The following ATXN1 variants were observed in gnomAD, a reference collection of about 807,000 sequenced individuals.
ATXN1 encodes the protein ataxin 1.
ATXN1 carries 8 observed loss-of-function variants against 56.4 expected under a neutral mutation model. That is an observed-to-expected ratio of 0.14 (90% CI 0.08 to 0.26). The LOEUF (loss-of-function observed/expected upper bound fraction) is 0.26, where lower values mean the gene tolerates loss of function less well. Ranked by LOEUF, ATXN1 falls within the 10% of genes least tolerant of loss-of-function variation. The probability of loss-of-function intolerance (pLI) is 1.00; values close to 1 mark genes in which losing one functional copy is unlikely to be tolerated. For missense variants in ATXN1, 987 were observed against 1,106.5 expected (o/e 0.89, Z 1.53); for synonymous variants, 514 against 494.6 (o/e 1.04, Z -0.52).
chr6:16,489,445 T>G (rs891806626), intron 5 of ATXN1, among the ~76,000 whole-genome samples: 4 of 152,224 alleles, frequency 2.6e-5, no homozygotes, highest in African/African-American at 9.6e-5. Flanking sequence ...TATTCTGTTC[T>G]TCCAATCCAT....
At chr6:16,729,443 C>T (rs1002005324) in intron 2 of ATXN1, among the ~76,000 whole-genome samples, 2 of 152,156 alleles carry the variant, frequency 1.3e-5, no homozygotes, top group Non-Finnish European at 2.9e-5. Flanking sequence ...TATTTACTCA[C>T]CCTGAAACTG....
rs140199633 is a variant in ATXN1, at chr6:16,446,357, T to C, written c.-161+39615A>G. The stretch of plus-strand genomic sequence containing the variant: ...GTGTCTGTTAAATGTGTTTGATATT[T>C]CTATAACACAAAGTTAAAGTTCCTT... On this transcript the variant is annotated intron_variant, in intron 6 of 7. Transcript: ENST00000436367. Among the ~76,000 whole-genome samples the C allele has an allele frequency of 5.1e-3, 770 of 152,364 alleles. 2 individuals are homozygous for C. Among genetic ancestry groups the C allele is most frequent in the Middle Eastern group, 0.01 (3 of 294 alleles).
At chr6:16,425,129 T>C (rs1581753244) in intron 6 of ATXN1, among the ~76,000 whole-genome samples, 2 of 152,238 alleles carry the variant, frequency 1.3e-5, no homozygotes, top group East Asian at 3.8e-4. Flanking sequence ...TTCTTTCATA[T>C]TTTAAAGTGC....
chr6:16,646,560 C>A (rs1395361786), intron 3 of ATXN1, among the ~76,000 whole-genome samples: 2 of 152,244 alleles, frequency 1.3e-5, no homozygotes, highest in African/African-American at 4.8e-5. Context: ...CACACCTTAA[C>A]CCTGGGCTCA....
At chr6:16,572,290 G>A (rs1475205250) in intron 4 of ATXN1, among the ~76,000 whole-genome samples, 1 of 152,132 alleles carries the variant, frequency 6.6e-6, no homozygotes, top group African/African-American at 2.4e-5. Context: ...TACCAAAAAA[G>A]GTATAAGGAC....
intron 6 of ATXN1, among the ~76,000 whole-genome samples, chr6:16,399,707 G>A (rs1012211968): frequency 2.6e-5 from 4 of 152,170 alleles, no homozygotes; most frequent in African/African-American, 9.7e-5. Flanking sequence ...ACTGCCGGGT[G>A]CTACCAGCAT....
intron 4 of ATXN1, among the ~76,000 whole-genome samples, chr6:16,582,100 A>C (rs1762541029): frequency 6.6e-6 from 1 of 152,152 alleles, no homozygotes; most frequent in Non-Finnish European, 1.5e-5. Context: ...GGCTGTCAAC[A>C]ATCACAACCT....
intron 6 of ATXN1, among the ~76,000 whole-genome samples, chr6:16,458,405 C>T (rs560735908): frequency 2.6e-4 from 40 of 152,342 alleles, no homozygotes; most frequent in Non-Finnish European, 5.3e-4. Flanking sequence ...AAAATATACT[C>T]CCCTGTCACC....
chr6:16,405,964 T>C (rs1222246422), intron 6 of ATXN1, among the ~76,000 whole-genome samples: 2 of 152,168 alleles, frequency 1.3e-5, no homozygotes, highest in African/African-American at 2.4e-5. Flanking sequence ...CTTCATGAAA[T>C]GCCAGTGTAT....
At chr6:16,358,978 C>A (rs577610467) in intron 6 of ATXN1, among the ~76,000 whole-genome samples, 1 of 152,332 alleles carries the variant, frequency 6.6e-6, no homozygotes, top group East Asian at 1.9e-4. Flanking sequence ...GCAGCTGTGG[C>A]CAACCCTCCC....
At position 16,604,989 on chromosome 6, in the gene ATXN1, A is replaced by G. The variant is rs137984678; in HGVS notation, c.-488-19082T>C. Among the ~76,000 whole-genome samples the G allele has an allele frequency of 3.7e-3, 565 of 152,354 alleles. 3 individuals carry two copies. The highest frequency in any genetic ancestry group is 0.013 in the African/African-American group (540 of 41,590). The stretch of plus-strand genomic sequence containing the variant: ...TGTGAATTATATTACATGCACATGT[A>G]TGGTGCATATCATAACAAGAGAAAG... On this transcript the variant is annotated intron_variant, in intron 3 of 7. Coordinates refer to ENST00000436367, the MANE Select transcript of ATXN1 (RefSeq NM_001128164.2).
At chr6:16,555,173 G>A (rs933865900) in intron 4 of ATXN1, among the ~76,000 whole-genome samples, 7 of 152,082 alleles carry the variant, frequency 4.6e-5, no homozygotes, top group African/African-American at 1.4e-4. Flanking sequence ...TCATCTCGGA[G>A]GTCTTTCCTA....
chr6:16,600,182 G>A (rs1299519487), intron 3 of ATXN1, among the ~76,000 whole-genome samples: 2 of 152,016 alleles, frequency 1.3e-5, no homozygotes, highest in Non-Finnish European at 2.9e-5. Flanking sequence ...GTATACTTTT[G>A]GGCTACTTCC....
At chr6:16,531,240 A>G (rs1019061737) in intron 4 of ATXN1, among the ~76,000 whole-genome samples, 7 of 152,214 alleles carry the variant, frequency 4.6e-5, no homozygotes, top group African/African-American at 1.7e-4. Flanking sequence ...CTCTCACCAC[A>G]GCTAAAGATC....
chr6:16,463,221 T>C (rs1760035288), intron 6 of ATXN1, among the ~76,000 whole-genome samples: 2 of 152,172 alleles, frequency 1.3e-5, no homozygotes, highest in Admixed American at 1.3e-4. Flanking sequence ...ACCAGTTCTG[T>C]CTACCCAGCC....
At chr6:16,456,311 C>T (rs1023416523) in intron 6 of ATXN1, among the ~76,000 whole-genome samples, 1 of 152,158 alleles carries the variant, frequency 6.6e-6, no homozygotes, top group Non-Finnish European at 1.5e-5. Flanking sequence ...CTTTTGCTTG[C>T]TATTCTGTCC....
intron 4 of ATXN1, among the ~76,000 whole-genome samples, chr6:16,528,378 T>C (rs911313820): frequency 4.6e-5 from 7 of 151,982 alleles, no homozygotes; most frequent in African/African-American, 1.7e-4. Flanking sequence ...AAGGTATACA[T>C]GGGAGGGCCC....
chr6:16,412,822 T>G (rs1376671819), intron 6 of ATXN1, among the ~76,000 whole-genome samples: 1 of 152,238 alleles, frequency 6.6e-6, no homozygotes, highest in African/African-American at 2.4e-5. Context: ...CCAAAGGTCA[T>G]GAGTTTGGCA....
chr6:16,502,471 C>G (rs989911362), intron 5 of ATXN1, among the ~76,000 whole-genome samples: 2 of 152,156 alleles, frequency 1.3e-5, no homozygotes, highest in East Asian at 1.9e-4. Context: ...TTATCTTCAA[C>G]TGAACATGTA....
Sources: allele counts gnomAD v4.1 joint callset (sites outside exome capture counted in the v4.1 genomes callset), GRCh38; gene constraint gnomAD v4.1.1; transcripts MANE v1.5; gene names NCBI Gene and HGNC (gene_info 2026-07-23, HGNC 2026-07-21).